Variants in XIRP2 observed in about 807,000 individuals in gnomAD.
The protein encoded by XIRP2 is xin actin binding repeat containing 2.
Under a neutral mutation model 277.0 loss-of-function variants are expected in XIRP2, and 236 were observed. The ratio of observed to expected loss-of-function variants is 0.85; its 90% CI spans 0.77 to 0.95. XIRP2 has a LOEUF of 0.95. Among genes scored for constraint, XIRP2 ranks in the 40% least tolerant of loss-of-function variants. The pLI is 0.00. For missense variants in XIRP2, 4,640 were observed against 4,157.5 expected (o/e 1.12, Z -3.19); for synonymous variants, 1,490 against 1,416.5 (o/e 1.05, Z -1.17).
At chr2:166,960,960 C>T (rs1300153548) in intron 2 of XIRP2, among the ~76,000 whole-genome samples, 1 of 151,678 alleles carries the variant, frequency 6.6e-6, no homozygotes, top group East Asian at 1.9e-4. Context: ...CATTAGAGAG[C>T]TCAGTTTAAG....
chr2:167,082,270 T>G (rs1484481677), intron 2 of XIRP2, among the ~76,000 whole-genome samples: 2 of 152,224 alleles, frequency 1.3e-5, no homozygotes, highest in African/African-American at 4.8e-5. Flanking sequence ...ACAAAGGACA[T>G]GAACTCATCC....
intron 2 of XIRP2, among the ~76,000 whole-genome samples, chr2:166,909,028 TATAG>T (rs1684621891): frequency 6.6e-6 from 1 of 152,166 alleles, no homozygotes; most frequent in African/African-American, 2.4e-5. Flanking sequence ...AGTCTTGTAG[TATAG>T]TTTGAAGTCA....
intron 3 of XIRP2, among the ~76,000 whole-genome samples, chr2:167,138,801 C>T (rs1228570231): frequency 2.6e-5 from 4 of 152,188 alleles, no homozygotes; most frequent in Non-Finnish European, 4.4e-5. Flanking sequence ...CACAGTGACT[C>T]ATGCCTGTAA....
chr2:166,969,864 G>T (rs182594983), intron 2 of XIRP2, among the ~76,000 whole-genome samples: 1 of 151,718 alleles, frequency 6.6e-6, no homozygotes, highest in Admixed American at 6.6e-5. Flanking sequence ...AACTCCCCCT[G>T]TATCCTTAAA....
chr2:167,059,361 G>A (rs888040207), intron 2 of XIRP2, among the ~76,000 whole-genome samples: 5 of 150,854 alleles, frequency 3.3e-5, no homozygotes, highest in South Asian at 2.1e-4. Context: ...CGGGTGATCC[G>A]CCCATCTCGC....
intron 3 of XIRP2, among the ~76,000 whole-genome samples, chr2:167,167,364 T>C (rs1490126648): frequency 6.6e-6 from 1 of 152,172 alleles, no homozygotes; most frequent in African/African-American, 2.4e-5. Flanking sequence ...TTAATATTTT[T>C]CATATTTGTT....
intron 2 of XIRP2, among the ~76,000 whole-genome samples, chr2:166,938,128 T>C (rs1358284133): frequency 6.6e-6 from 1 of 152,222 alleles, no homozygotes; most frequent in Non-Finnish European, 1.5e-5. Context: ...ATTTCTTGCC[T>C]TCTGCTAGCT....
chr2:167,253,645 T>G (rs1468206692), intron 9 of XIRP2, among the ~76,000 whole-genome samples: 2 of 151,766 alleles, frequency 1.3e-5, no homozygotes, highest in Non-Finnish European at 2.9e-5. Context: ...CCTACAATGA[T>G]AAGTTATCTC....
chr2:167,217,872 G>A (rs1271346234), intron 4 of XIRP2, among the ~76,000 whole-genome samples: 1 of 152,064 alleles, frequency 6.6e-6, no homozygotes, highest in Admixed American at 6.6e-5. Flanking sequence ...GAAATACCGT[G>A]CAATCTAATA....
intron 3 of XIRP2, among the ~76,000 whole-genome samples, chr2:167,203,456 G>A (rs527855649): frequency 6.6e-6 from 1 of 152,284 alleles, no homozygotes; most frequent in South Asian, 2.1e-4. Flanking sequence ...ATAACACAAT[G>A]CATTTTGGGG....
chr2:167,064,929 C>T (rs775641616), intron 2 of XIRP2, among the ~76,000 whole-genome samples: 17 of 151,796 alleles, frequency 1.1e-4, no homozygotes, highest in Non-Finnish European at 2.1e-4. Flanking sequence ...TTGCTTCTAC[C>T]TTTTGGCTAT....
intron 3 of XIRP2, among the ~76,000 whole-genome samples, chr2:167,140,442 G>A (rs770487923): frequency 1.3e-5 from 2 of 152,158 alleles, no homozygotes; most frequent in African/African-American, 2.4e-5. Flanking sequence ...AAACTTCGGA[G>A]TAAATCAGAC....
chr2:166,972,918 T>A (rs527644233), intron 2 of XIRP2, among the ~76,000 whole-genome samples: 5 of 152,348 alleles, frequency 3.3e-5, no homozygotes, highest in African/African-American at 1.2e-4. Flanking sequence ...GTGTTCCAGA[T>A]ATCTTAGTAA....
At chr2:167,023,396 T>G (rs565731683) in intron 2 of XIRP2, among the ~76,000 whole-genome samples, 51 of 152,074 alleles carry the variant, frequency 3.4e-4, no homozygotes, top group African/African-American at 8.7e-4. Flanking sequence ...TTTCTCCCAT[T>G]TTGTAGGTTG....
intron 4 of XIRP2, among the ~76,000 whole-genome samples, chr2:167,215,185 CT>C (rs1416044710): frequency 6.6e-6 from 1 of 152,092 alleles, no homozygotes; most frequent in Non-Finnish European, 1.5e-5. Context: ...CACCCTTCCC[CT>C]TTTTCACTGT....
intron 2 of XIRP2, among the ~76,000 whole-genome samples, chr2:167,127,006 T>C (rs1212948966): frequency 1.3e-5 from 2 of 152,216 alleles, no homozygotes; most frequent in African/African-American, 2.4e-5. Context: ...GAATTTACAT[T>C]GCCATCTCTT....
At chr2:166,950,455 A>T (rs939701971) in intron 2 of XIRP2, among the ~76,000 whole-genome samples, 7 of 151,354 alleles carry the variant, frequency 4.6e-5, no homozygotes, top group Non-Finnish European at 7.4e-5. Flanking sequence ...GCTCACAGAT[A>T]AAAAAAAATT....
intron 4 of XIRP2, among the ~76,000 whole-genome samples, chr2:167,216,826 A>G (rs1239889739): frequency 1.7e-5 from 2 of 117,702 alleles, no homozygotes; most frequent in Non-Finnish European, 3.2e-5. Flanking sequence ...ATAAAGACAC[A>G]TGCACACGTA....
intron 1 of XIRP2, among the ~76,000 whole-genome samples, chr2:166,897,745 G>A (rs1684279900): frequency 6.6e-6 from 1 of 152,056 alleles, no homozygotes; most frequent in Non-Finnish European, 1.5e-5. Context: ...CCAGGCTAGA[G>A]CTGACCCAGA....
Sources: gnomAD v4.1 joint callset for allele counts (sites outside exome capture counted in the v4.1 genomes callset) on GRCh38, gnomAD v4.1.1 for gene constraint, MANE v1.5 for transcripts, NCBI Gene and HGNC (gene_info 2026-07-23, HGNC 2026-07-21) for gene names.